Variants in ANKMY2 observed in about 807,000 individuals in gnomAD.
The protein encoded by ANKMY2 is ankyrin repeat and MYND domain-containing protein 2.
Under a neutral mutation model 50.4 loss-of-function variants are expected in ANKMY2, and 36 were observed. The observed-to-expected ratio is 0.71, with a 90% CI of 0.55 to 0.94. The LOEUF (loss-of-function observed/expected upper bound fraction) is 0.94, where lower values mean the gene tolerates loss of function less well. ANKMY2 is among the 40% of genes least tolerant of loss of function. The pLI is 0.00. For synonymous variants in ANKMY2, 187 were observed against 178.8 expected (o/e 1.05, Z -0.36); for missense variants, 565 against 524.0 (o/e 1.08, Z -0.76).
chr7:16,622,332 T>C (rs896292177), intron 4 of ANKMY2, among the ~76,000 whole-genome samples: 8 of 152,196 alleles, frequency 5.3e-5, no homozygotes, highest in South Asian at 4.1e-4. Flanking sequence ...AAGTTCACAA[T>C]GTACCATCTT....
chr7:16,623,195 C>T (rs568116782), intron 4 of ANKMY2, among the ~76,000 whole-genome samples: 1 of 151,764 alleles, frequency 6.6e-6, no homozygotes, highest in Non-Finnish European at 1.5e-5. Flanking sequence ...TTGAAGGAAA[C>T]AAAAAGGGGA....
At chr7:16,601,439 T>C (rs769185304) in intron 9 of ANKMY2, among the ~76,000 whole-genome samples, 3 of 152,242 alleles carry the variant, frequency 2.0e-5, no homozygotes, top group Non-Finnish European at 2.9e-5. Flanking sequence ...CTGACAATCT[T>C]ATTCTCCCTC....
intron 2 of ANKMY2, among the ~76,000 whole-genome samples, chr7:16,631,930 T>C (rs1251679963): frequency 1.3e-5 from 2 of 152,136 alleles, no homozygotes; most frequent in Non-Finnish European, 2.9e-5. Flanking sequence ...TTTCTACTTC[T>C]ATATGAGATG....
At chr7:16,627,285 A>G in intron 2 of ANKMY2, 107 bp from the exon 3 acceptor site, 5 of 624,926 alleles carry the variant, frequency 8.0e-6, no homozygotes, top group Non-Finnish European at 1.3e-5. Flanking sequence ...ACTAATTAAA[A>G]TGGTCATTAT....
rs561783224 is a variant in ANKMY2, at chr7:16,605,541, G to A, written c.883-692C>T. 3.4e-4 allele frequency among the ~76,000 whole-genome samples: 51 copies of A among 151,874 alleles called. 1 individual carries two copies. In the South Asian group the frequency reaches 6.3e-3, roughly 19 times the overall value. Reference sequence around the variant, plus strand: ...TTTTGAGATGGAGTCTCTGTCACCCGGCTGGAGGTGCAGTGGCTCGATCTT... The same window carrying A: ...TTTTGAGATGGAGTCTCTGTCACCCAGCTGGAGGTGCAGTGGCTCGATCTT... On this transcript the variant is annotated intron_variant, in intron 7 of 9. Transcript: ENST00000306999.
intron 5 of ANKMY2, among the ~76,000 whole-genome samples, chr7:16,614,116 A>T (rs923921852): frequency 6.6e-6 from 1 of 152,176 alleles, no homozygotes; most frequent in African/African-American, 2.4e-5. Context: ...ATTGAGAAAT[A>T]CTGTACCCTG....
At chr7:16,604,295 T>C (rs1237269512) in intron 8 of ANKMY2, among the ~76,000 whole-genome samples, 2 of 152,232 alleles carry the variant, frequency 1.3e-5, no homozygotes, top group Non-Finnish European at 2.9e-5. Flanking sequence ...TCAGAAACTA[T>C]AGTTTTACAA....
Position 16,600,336 on chromosome 7 carries a change from CAT to C in ANKMY2, c.*423_*424del, listed in dbSNP as rs1781021881. 5 of 153,360 alleles carry C rather than the reference CAT, an allele frequency of 3.3e-5. No individual in the cohort carries two copies. Among genetic ancestry groups the C allele is most frequent in the East Asian group, 1.9e-4 (1 of 5,158 alleles). 9.5% of individuals were successfully genotyped at this position (153,360 alleles called of 1,614,324 possible). ...ATGCTGCTTATATGTATTTTATTCA[CAT>C]ATAAGTTATGATTTTTCTAACTACC... On this transcript the variant is annotated 3_prime_UTR_variant, in exon 10 of 10. Coordinates refer to ENST00000306999, the MANE Select transcript of ANKMY2 (RefSeq NM_020319.3).
At chr7:16,637,157 A>G (rs1781674639) in intron 1 of ANKMY2, among the ~76,000 whole-genome samples, 1 of 152,236 alleles carries the variant, frequency 6.6e-6, no homozygotes, top group African/African-American at 2.4e-5. Context: ...AGTACAAGCC[A>G]GCCACACATT....
rs1781490828 is a variant in ANKMY2 at position 16,625,047 on chromosome 7, A to G, written c.306T>C (p.Ala102=). The change falls in exon 4 of 10, where the codon GCT becomes GCC. Residue 102 remains alanine (A), a synonymous_variant. Transcript: ENST00000306999. The part of the protein sequence containing the change: ...NKDITWVMLE[A]GAETDVVNSV... ...AGTTGACAACATCTGTCTCAGCACC[A>G]GCTTCTAACATTACCCATGTGATGT... The G allele has an allele frequency of 1.2e-6, 2 of 1,614,142 alleles. No individual in the cohort carries two copies. Among genetic ancestry groups the G allele is most frequent in the African/African-American group, 1.3e-5 (1 of 75,062 alleles).
At chr7:16,632,511 A>G (rs1781603506) in intron 2 of ANKMY2, among the ~76,000 whole-genome samples, 4 of 152,188 alleles carry the variant, frequency 2.6e-5, no homozygotes, top group Admixed American at 2.0e-4. Flanking sequence ...AAAATATGCA[A>G]TATTTTGTGA....
chr7:16,633,940 T>C (rs913656585), intron 2 of ANKMY2, among the ~76,000 whole-genome samples: 1 of 152,164 alleles, frequency 6.6e-6, no homozygotes, highest in Non-Finnish European at 1.5e-5. Flanking sequence ...GGCTATTATG[T>C]TCTTGGTGTA....
At chr7:16,610,452 CA>C (rs1170479960) in intron 6 of ANKMY2, 96 bp downstream of exon 6, 6 of 1,033,968 alleles carry the variant, frequency 5.8e-6, no homozygotes, top group Non-Finnish European at 7.0e-6. Context: ...CAATTGCTGC[CA>C]AAATGTTTAA....
intron 4 of ANKMY2, among the ~76,000 whole-genome samples, chr7:16,623,753 C>A (rs750770585): frequency 6.6e-6 from 1 of 152,126 alleles, no homozygotes; most frequent in Non-Finnish European, 1.5e-5. Flanking sequence ...GGGGCCTGTA[C>A]ACACGGGAGT....
At chr7:16,618,620 TAC>T (rs1781391611) in intron 4 of ANKMY2, among the ~76,000 whole-genome samples, 2 of 152,180 alleles carry the variant, frequency 1.3e-5, no homozygotes, top group Admixed American at 6.5e-5. Context: ...CTTTCCCCAG[TAC>T]ATACGTCTTG....
chr7:16,642,970 C>T (rs980108179), intron 1 of ANKMY2, among the ~76,000 whole-genome samples: 1 of 152,184 alleles, frequency 6.6e-6, no homozygotes, highest in African/African-American at 2.4e-5. Context: ...CACTTTCTGC[C>T]ACTTACCTGT....
At chr7:16,645,282 G>A (rs886795232) in intron 1 of ANKMY2, among the ~76,000 whole-genome samples, 4 of 152,160 alleles carry the variant, frequency 2.6e-5, no homozygotes, top group South Asian at 2.1e-4. Context: ...TTTAGAGGCC[G>A]AGCCTCTGTA....
At chr7:16,626,379 C>T (rs1407852104) in intron 3 of ANKMY2, among the ~76,000 whole-genome samples, 2 of 152,102 alleles carry the variant, frequency 1.3e-5, no homozygotes, top group Non-Finnish European at 2.9e-5. Context: ...GTATATCCTA[C>T]AAATGAAAAT....
At chr7:16,635,108 C>A (rs997656555) in intron 2 of ANKMY2, among the ~76,000 whole-genome samples, 1 of 151,880 alleles carries the variant, frequency 6.6e-6, no homozygotes, top group Non-Finnish European at 1.5e-5. Flanking sequence ...TGGAAACAAC[C>A]CAAAACTCTA....
Sources: gnomAD v4.1 joint callset for allele counts (sites outside exome capture counted in the v4.1 genomes callset) on GRCh38, gnomAD v4.1.1 for gene constraint, MANE v1.5 for transcripts, NCBI Gene and HGNC (gene_info 2026-07-23, HGNC 2026-07-21) for gene names.